The following FDFT1 variants were observed in gnomAD, a reference collection of about 807,000 sequenced individuals.
The protein encoded by FDFT1 is squalene synthase.
In FDFT1, 68 loss-of-function variants were observed where a neutral mutation model predicts 46.8. That is an observed-to-expected ratio of 1.45 (90% CI 1.19 to 1.78). FDFT1 has a LOEUF of 1.78. Among genes scored for constraint, FDFT1 ranks in the 40% most tolerant of loss-of-function variants. The pLI, the probability that FDFT1 is intolerant of heterozygous loss-of-function variation, is 0.00. For missense variants in FDFT1, 928 were observed against 524.4 expected (o/e 1.77, Z -7.52); for synonymous variants, 351 against 185.1 (o/e 1.90, Z -7.28).
intron 5 of FDFT1, among the ~76,000 whole-genome samples, chr8:11,827,106 C>G (rs1020380442): frequency 6.6e-6 from 1 of 152,120 alleles, no homozygotes; most frequent in South Asian, 2.1e-4. Flanking sequence ...TATGACTGTT[C>G]CCTGAATTTA....
intron 3 of FDFT1, among the ~76,000 whole-genome samples, chr8:11,820,548 G>C (rs923287339): frequency 2.6e-5 from 4 of 152,208 alleles, no homozygotes; most frequent in African/African-American, 9.6e-5. Context: ...TGTGAGCATA[G>C]AAGTGCGTAC....
At chr8:11,836,513 G>T (rs1337254113) in intron 7 of FDFT1, among the ~76,000 whole-genome samples, 3 of 152,230 alleles carry the variant, frequency 2.0e-5, no homozygotes, top group African/African-American at 7.2e-5. Flanking sequence ...AAGGCTCCTT[G>T]AAGGTCCCTC....
At chr8:11,816,207 G>T (rs927400020) in intron 3 of FDFT1, among the ~76,000 whole-genome samples, 1 of 152,310 alleles carries the variant, frequency 6.6e-6, no homozygotes, top group Middle Eastern at 3.4e-3. Flanking sequence ...TGAGGCCTCT[G>T]TTCCGTTCCA....
intron 1 of FDFT1, 38 bp downstream of exon 1, chr8:11,802,969 G>A (rs756276158): frequency 6.4e-7 from 1 of 1,564,460 alleles, no homozygotes; most frequent in South Asian, 1.2e-5. Context: ...GGCGGGGAAG[G>A]AGCTCGCTGG....
chr8:11,809,872 G>T (rs999174364), intron 3 of FDFT1, 22 bp downstream of exon 3: 6 of 1,588,630 alleles, frequency 3.8e-6, no homozygotes, highest in Middle Eastern at 1.7e-4. Flanking sequence ...TACGCATCTT[G>T]TCTACGGACT....
chr8:11,833,551 G>T (rs1412972687), intron 7 of FDFT1, among the ~76,000 whole-genome samples: 1 of 152,160 alleles, frequency 6.6e-6, no homozygotes, highest in Non-Finnish European at 1.5e-5. Context: ...TTAAAATTCA[G>T]ATTTATTTGG....
intron 1 of FDFT1, chr8:11,808,123 A>C: frequency 2.5e-6 from 1 of 397,824 alleles, no homozygotes; most frequent in Non-Finnish European, 3.5e-6. Flanking sequence ...GATTCTGGTC[A>C]AATCAATTTA....
chr8:11,838,248 G>A lies in FDFT1; in HGVS notation c.1033-140G>A, dbSNP rs148786056. ...TTATCATTGGGATGGCTTTGGGTAA[G>A]TTATGTTCATGTTCTCTGAGCCTCC... is the stretch of plus-strand genomic sequence containing the variant. On this transcript the variant is annotated intron_variant, in intron 7 of 7. Transcript: ENST00000220584. 3.9e-5 allele frequency: 27 copies of A among 689,678 alleles called. No homozygotes were observed. The African/African-American group carries it at 4.8e-4, about 12-fold the overall frequency. The allele number at this position is 689,678 out of a possible 1,614,324, so 42.7% of individuals were successfully genotyped here.
At position 11,817,134 on chromosome 8, in the gene FDFT1, G is replaced by C. The variant is rs573850364; in HGVS notation, c.382-4616G>C. ...GTGCATCTATTGAGATAATCATGTGGTTTTTGTCATAGGTTCTGTTTATGT... is the reference window on the plus strand; with the variant it reads ...GTGCATCTATTGAGATAATCATGTGCTTTTTGTCATAGGTTCTGTTTATGT... On this transcript the variant is annotated intron_variant, in intron 3 of 7. Transcript: ENST00000220584. 3.9e-5 allele frequency among the ~76,000 whole-genome samples: 6 copies of C among 152,280 alleles called. No individual in the cohort carries two copies. In the South Asian group the frequency reaches 1.2e-3, roughly 32 times the overall value.
intron 7 of FDFT1, among the ~76,000 whole-genome samples, chr8:11,837,983 G>GT (rs1186594536): frequency 6.6e-6 from 1 of 152,140 alleles, no homozygotes; most frequent in African/African-American, 2.4e-5. Context: ...GTTCCATCTT[G>GT]TTTCTAAGCT....
At chr8:11,832,725 G>C (rs73663016) in intron 7 of FDFT1, among the ~76,000 whole-genome samples, 3 of 151,896 alleles carry the variant, frequency 2.0e-5, no homozygotes, top group African/African-American at 7.3e-5. Flanking sequence ...GGCAGGAATC[G>C]GGTGCTACTG....
At chr8:11,803,625 C>A in intron 1 of FDFT1, 1 of 509,342 alleles carries the variant, frequency 2.0e-6, no homozygotes, top group Non-Finnish European at 2.9e-6. Flanking sequence ...TATTCGTACG[C>A]GATTATTGAA....
chr8:11,802,398 C>T (rs966449466), upstream of FDFT1: 4 of 456,668 alleles, frequency 8.8e-6, no homozygotes, highest in African/African-American at 4.0e-5. Flanking sequence ...GGCTCCTGCG[C>T]ATCCTAAGCC....
chr8:11,827,269 A>T (rs1049060652), intron 5 of FDFT1, among the ~76,000 whole-genome samples: 4 of 152,194 alleles, frequency 2.6e-5, no homozygotes, highest in African/African-American at 9.7e-5. Flanking sequence ...GCAACACAGC[A>T]AGATACCATC....
At chr8:11,820,555 G>A (rs1050682321) in intron 3 of FDFT1, among the ~76,000 whole-genome samples, 5 of 152,300 alleles carry the variant, frequency 3.3e-5, no homozygotes, top group South Asian at 2.1e-4. Flanking sequence ...ATAGAAGTGC[G>A]TACTGAAGCC....
intron 1 of FDFT1, chr8:11,803,287 AG>A: frequency 7.6e-7 from 1 of 1,320,430 alleles, no homozygotes; most frequent in Non-Finnish European, 9.9e-7. Flanking sequence ...GGAGAGGACG[AG>A]TGAGTTTTTT....
At chr8:11,803,197 G>T in intron 1 of FDFT1, 1 of 1,406,198 alleles carries the variant, frequency 7.1e-7, no homozygotes, top group South Asian at 1.3e-5. Flanking sequence ...TCCCCGTTTC[G>T]TCCCCTCCGT....
rs745937609 is a variant in FDFT1 at position 11,838,570 on chromosome 8, C to G, written c.1215C>G (p.Ser405=). The part of the protein sequence containing the change: ...ALSWQYLTTL[S]QVTEDYVQTG... Reference sequence around the variant, plus strand: ...GCTGGCAGTACCTGACCACTCTCTCCCAGGTAACAGAAGACTATGTTCAGA... The same window carrying G: ...GCTGGCAGTACCTGACCACTCTCTCGCAGGTAACAGAAGACTATGTTCAGA... Residue 405 remains serine, a synonymous_variant, in exon 8 of 8, where the codon TCC becomes TCG. Transcript: ENST00000220584. 2 of 1,613,978 alleles carry G rather than the reference C, an allele frequency of 1.2e-6. No homozygotes were observed. The highest frequency in any genetic ancestry group is 1.7e-6 in the Non-Finnish European group (2 of 1,179,950).
At chr8:11,810,342 G>A (rs927536922) in intron 3 of FDFT1, among the ~76,000 whole-genome samples, 1 of 152,172 alleles carries the variant, frequency 6.6e-6, no homozygotes, top group Non-Finnish European at 1.5e-5. Flanking sequence ...ACTACCCGGA[G>A]CCTGGTAGCA....
Sources: gnomAD v4.1 joint callset for allele counts (sites outside exome capture counted in the v4.1 genomes callset) on GRCh38, gnomAD v4.1.1 for gene constraint, MANE v1.5 for transcripts, NCBI Gene and HGNC (gene_info 2026-07-23, HGNC 2026-07-21) for gene names.